GDPD2: variants seen among roughly 807,000 people sequenced by gnomAD.
GDPD2 encodes the protein glycerophosphodiester phosphodiesterase domain containing 2, also known as glycerophosphodiester phosphodiesterase 3.
GDPD2 carries 23 observed loss-of-function variants against 49.2 expected under a neutral mutation model. The ratio of observed to expected loss-of-function variants is 0.47; its 90% CI spans 0.34 to 0.66. GDPD2 has a LOEUF of 0.66. Ranked by LOEUF, GDPD2 falls within the 30% of genes least tolerant of loss-of-function variation. The probability of loss-of-function intolerance (pLI) is 0.01; values close to 1 mark genes in which losing one functional copy is unlikely to be tolerated. For missense variants in GDPD2, 338 were observed against 424.7 expected, an observed-to-expected ratio of 0.80 and a Z score of 1.79; for synonymous variants, 167 against 171.4, an observed-to-expected ratio of 0.97 and a Z score of 0.20.
intron 12 of GDPD2, among the ~76,000 whole-genome samples, chrX:70,430,266 A>C (rs1344380759): frequency 8.9e-6 from 1 of 112,732 alleles, no homozygotes; most frequent in East Asian, 2.8e-4. Flanking sequence ...TGTGGAATAC[A>C]TGTACTACTG....
At chrX:70,432,003 A>G (rs2086481890) in intron 12 of GDPD2, among the ~76,000 whole-genome samples, 1 of 112,441 alleles carries the variant, frequency 8.9e-6, no homozygotes, top group Non-Finnish European at 1.9e-5. Flanking sequence ...TGGCTGAAGG[A>G]GCTGGGGCTG....
At chrX:70,427,831 G>A (rs1602836924) in intron 10 of GDPD2, 1 of 142,672 alleles carries the variant, frequency 7.0e-6, no homozygotes, top group South Asian at 2.3e-4. Flanking sequence ...AACTGAGAGA[G>A]ACAATTCATG....
At position 70,432,403 on chromosome X, in the gene GDPD2, C is replaced by T; in HGVS notation, c.1404C>T (p.Thr468=). ...GGTGTGCAGGGGTGGATTCGGTCACCACCAACGACTGCCAGCTGCTGCAGC... is the reference window on the plus strand; with the variant it reads ...GGTGTGCAGGGGTGGATTCGGTCACTACCAACGACTGCCAGCTGCTGCAGC... ...LLWCAGVDSV[T]TNDCQLLQQM... is the part of the protein sequence containing the mutation. The change falls in exon 13 of 16, where the codon ACC becomes ACT. Residue 468 remains threonine (T), a synonymous_variant. Coordinates refer to ENST00000374382, the MANE Select transcript of GDPD2 (RefSeq NM_017711.4). The T allele has an allele frequency of 2.5e-6, 3 of 1,210,773 alleles. No individual in the cohort carries two copies. Among genetic ancestry groups the T allele is most frequent in the Non-Finnish European group, 3.4e-6 (3 of 894,593 alleles).
chrX:70,428,661 C>T (rs966766333), intron 10 of GDPD2, among the ~76,000 whole-genome samples: 2 of 112,024 alleles, frequency 1.8e-5, no homozygotes, highest in Non-Finnish European at 3.8e-5. Flanking sequence ...GCTGTGTGAC[C>T]CGAGGCAGGA....
In GDPD2 at chrX:70,426,856, C is replaced by T; in HGVS notation, c.557-10C>T. On this transcript the variant is annotated splice_polypyrimidine_tract_variant and intron_variant, in intron 7 of 15. Transcript: ENST00000374382. ...CCCATTCTTGAAAGCCTGTCCCCCA[C>T]TCCCCACAGGTCCCAAGATTCTGCT... 8.3e-7 allele frequency: 1 copy of T among 1,209,948 alleles called. No homozygotes were observed. The highest frequency in any genetic ancestry group is 1.1e-6 in the Non-Finnish European group (1 of 893,777).
Position 70,433,378 on chromosome X carries a change from C to T in GDPD2, c.*292C>T, listed in dbSNP as rs112597313. ...CAGAGGAAGTAAAAGGGAGATTGCT[C>T]GGATAATGTCTCAGACTTGTGTGCA... On this transcript the variant is annotated 3_prime_UTR_variant, in exon 16 of 16. Transcript: ENST00000374382. The T allele has an allele frequency of 2.7e-6, 1 of 365,430 alleles. No individual in the cohort carries two copies. The highest frequency in any genetic ancestry group is 4.7e-6 in the Non-Finnish European group (1 of 210,732). The allele number at this position is 365,430 out of a possible 1,213,427, so 30.1% of individuals were successfully genotyped here.
intron 10 of GDPD2, 133 bp downstream of exon 10, chrX:70,427,596 C>T (rs972805702): frequency 7.8e-6 from 4 of 509,627 alleles, no homozygotes; most frequent in Non-Finnish European, 1.3e-5. Context: ...CAAGTCACTT[C>T]CACCTAGTAG....
In GDPD2 at chrX:70,425,052, G is replaced by T. The variant is rs1198229670; in HGVS notation, c.68G>T (p.Trp23Leu). 8.3e-7 allele frequency: 1 copy of T among 1,199,342 alleles called. No homozygotes were observed. Among genetic ancestry groups the T allele is most frequent in the Admixed American group, 2.2e-5 (1 of 44,716 alleles). The change falls in exon 2 of 16, where the codon TGG becomes TTG. Residue 23 changes from tryptophan (W) to leucine (L), a missense_variant. Coordinates refer to ENST00000374382, the MANE Select transcript of GDPD2 (RefSeq NM_017711.4). ...RCLHCLYSCH[W>L]RKCPRERMQT... ...CTCCACTGCCTGTATAGCTGCCACT[G>T]GAGGAAATGCCCCAGAGAGAGGATG...
rs758593693 is a variant in GDPD2, at chrX:70,425,872, G to A, written c.303+16G>A. ...CTTGCTATTGGTGGGTCCGGAGGCC[G>A]CTGGCCTAACCCCACCTCAGCCTTC... is the stretch of plus-strand genomic sequence containing the variant. On this transcript the variant is annotated intron_variant, in intron 4 of 15. Transcript: ENST00000374382. The A allele has an allele frequency of 6.7e-6, 7 of 1,046,470 alleles. No individual in the cohort carries two copies. The highest frequency in any genetic ancestry group is 3.0e-5 in the East Asian group (1 of 33,191). 86.2% of individuals were successfully genotyped at this position (1,046,470 alleles called of 1,213,427 possible).
At chrX:70,425,937 A>G in intron 4 of GDPD2, 81 bp downstream of exon 4, 1 of 884,325 alleles carries the variant, frequency 1.1e-6, no homozygotes, top group Non-Finnish European at 1.7e-6. Flanking sequence ...CATCCTGGCC[A>G]CTGAGGGAGG....
intron 8 of GDPD2, 52 bp downstream of exon 8, chrX:70,427,063 C>G (rs759689173): frequency 1.7e-6 from 2 of 1,184,602 alleles, no homozygotes; most frequent in Non-Finnish European, 1.1e-6. Flanking sequence ...CTCGTTTGCA[C>G]CATAGCGACC....
intron 1 of GDPD2, among the ~76,000 whole-genome samples, chrX:70,424,110 C>T (rs898837195): frequency 9.0e-6 from 1 of 111,333 alleles, no homozygotes; most frequent in African/African-American, 3.3e-5. Flanking sequence ...TACAGGGGTC[C>T]CCTGCCCCAA....
rs2086455764 is a variant in GDPD2 at position 70,429,509 on chromosome X, G to A, written c.953G>A (p.Gly318Glu). The change falls in exon 11 of 16, where the codon GGG (glycine) becomes GAG (glutamate). Residue 318 changes from glycine (G) to glutamate (E), a missense_variant. Transcript: ENST00000374382. ...TTCTTATAGAGGCGACCCTTCTGGG[G>A]GGCCAAACCGCTGGCAGGCCCTGAT... ...SWFLERRPFW[G>E]AKPLAGPDQK... 2 of 1,200,778 alleles carry A rather than the reference G, an allele frequency of 1.7e-6. No individual in the cohort carries two copies. Among genetic ancestry groups the A allele is most frequent in the Non-Finnish European group, 2.3e-6 (2 of 887,502 alleles).
chrX:70,427,062 A>T, intron 8 of GDPD2, 51 bp downstream of exon 8: 1 of 1,183,391 alleles, frequency 8.5e-7, no homozygotes, highest in Non-Finnish European at 1.1e-6. Context: ...GCTCGTTTGC[A>T]CCATAGCGAC....
chrX:70,426,856 C>A lies in GDPD2; in HGVS notation c.557-10C>A, dbSNP rs748049313. 3.3e-6 allele frequency: 4 copies of A among 1,209,945 alleles called. No individual in the cohort carries two copies. On this transcript the variant is annotated splice_polypyrimidine_tract_variant and intron_variant, in intron 7 of 15. Transcript: ENST00000374382. ...CCCATTCTTGAAAGCCTGTCCCCCA[C>A]TCCCCACAGGTCCCAAGATTCTGCT...
intron 10 of GDPD2, among the ~76,000 whole-genome samples, chrX:70,428,852 A>G (rs1189606960): frequency 8.9e-6 from 1 of 112,472 alleles, no homozygotes; most frequent in African/African-American, 3.2e-5. Context: ...CATGTCAGCA[A>G]TTAGGAAGTG....
In GDPD2 at chrX:70,430,859, G is replaced by A. The variant is rs977736343; in HGVS notation, c.1307+796G>A. On this transcript the variant is annotated intron_variant, in intron 12 of 15. Coordinates refer to ENST00000374382, the MANE Select transcript of GDPD2 (RefSeq NM_017711.4). ...ACTCTGTCACCAAGCCTGTAGTGCA[G>A]TGGCCTGATCAGAGCTCACTGCAGC... 3 of 354,514 alleles carry A rather than the reference G, an allele frequency of 8.5e-6. No homozygotes were observed. In the Admixed American group the frequency reaches 1.6e-4, roughly 19 times the overall value. 29.2% of individuals were successfully genotyped at this position (354,514 alleles called of 1,213,427 possible). A position where few individuals can be genotyped will look rare whatever the true frequency, so the allele number is the denominator to read the frequency against.
chrX:70,424,154 G>C (rs1461548148), intron 1 of GDPD2, among the ~76,000 whole-genome samples: 1 of 111,353 alleles, frequency 9.0e-6, no homozygotes, highest in East Asian at 2.8e-4. Flanking sequence ...CCTTTGCCCT[G>C]CGTTTGTTGT....
rs974827217 is a variant in GDPD2 at position 70,430,141 on chromosome X, G to A, written c.1307+78G>A. 4 of 894,250 alleles carry A rather than the reference G, an allele frequency of 4.5e-6. No homozygotes were observed. The Admixed American group carries it at 8.8e-5, about 20-fold the overall frequency. The allele number at this position is 894,250 out of a possible 1,213,427, so 73.7% of individuals were successfully genotyped here. ...GAAGAACCAGTTCAGGGAGAGCAAA[G>A]CCTCTTGATTCATTCACTCACACAA... On this transcript the variant is annotated intron_variant, in intron 12 of 15. Transcript: ENST00000374382.
Sources: allele counts gnomAD v4.1 joint callset (sites outside exome capture counted in the v4.1 genomes callset), GRCh38; gene constraint gnomAD v4.1.1; transcripts MANE v1.5; gene names NCBI Gene and HGNC (gene_info 2026-07-23, HGNC 2026-07-21).